TFPT: variants seen among roughly 807,000 people sequenced by gnomAD.
The protein encoded by TFPT is INO80 complex subunit F.
A neutral mutation model predicts 28.8 loss-of-function variants in TFPT; 27 were observed. The observed-to-expected ratio is 0.94, with a 90% CI of 0.69 to 1.29. The LOEUF (loss-of-function observed/expected upper bound fraction) is 1.29, where lower values mean the gene tolerates loss of function less well. Ranked by LOEUF, TFPT falls within the 50% of genes most tolerant of loss-of-function variation. The probability of loss-of-function intolerance (pLI) is 0.00; values close to 1 mark genes in which losing one functional copy is unlikely to be tolerated. For synonymous variants in TFPT, 152 were observed against 142.8 expected (o/e 1.06, Z -0.46); for missense variants, 330 against 338.0 (o/e 0.98, Z 0.19).
At chr19:54,107,792 C>G (rs1298106088) in intron 5 of TFPT, among the ~76,000 whole-genome samples, 2 of 152,180 alleles carry the variant, frequency 1.3e-5, no homozygotes. Flanking sequence ...GCCTTTACCC[C>G]ACTTTTTCCA....
Position 54,115,237 on chromosome 19 carries a change from A to T in TFPT, c.23+10T>A. On this transcript the variant is annotated intron_variant, in intron 1 of 5. Transcript: ENST00000391759. Reference sequence around the variant, plus strand: ...GATTCGCACTTTTTCACAAGGGCTCAGCCACATACCCTTCTCTCTGCTCCA... The same window carrying T: ...GATTCGCACTTTTTCACAAGGGCTCTGCCACATACCCTTCTCTCTGCTCCA... 1 of 1,614,146 alleles carries T rather than the reference A, an allele frequency of 6.2e-7. No individual in the cohort carries two copies. The highest frequency in any genetic ancestry group is 2.2e-5 in the East Asian group (1 of 44,878).
intron 3 of TFPT, 90 bp from the exon 4 acceptor site, chr19:54,108,485 C>A (rs1440192984): frequency 6.2e-7 from 1 of 1,613,696 alleles, no homozygotes; most frequent in Non-Finnish European, 8.5e-7. Context: ...TCCCACTCCA[C>A]TCAACGCCAA....
chr19:54,110,661 C>G (rs897713585), intron 2 of TFPT, among the ~76,000 whole-genome samples: 3 of 151,962 alleles, frequency 2.0e-5, no homozygotes, highest in Non-Finnish European at 4.4e-5. Flanking sequence ...GAGATCACCC[C>G]ACTGCACTCC....
At chr19:54,111,242 C>A (rs1347860625) in intron 2 of TFPT, among the ~76,000 whole-genome samples, 4 of 152,088 alleles carry the variant, frequency 2.6e-5, no homozygotes, top group African/African-American at 9.7e-5. Flanking sequence ...GCTCCTGGGT[C>A]AGAAAGACCT....
rs371509951 is a variant in TFPT at position 54,108,099 on chromosome 19, C to T, written c.569G>A (p.Arg190Gln). Reference protein sequence around the residue: ...SPAPGEGPSGRKRRRVPRDGR... With the variant: ...SPAPGEGPSGQKRRRVPRDGR... The stretch of plus-strand genomic sequence containing the variant: ...ATCCCGTGGCACTCGCCGCCTCTTC[C>T]GCCCACTGGGCCCCTCACCGGGGGC... The change falls in exon 5 of 6, where the codon CGG becomes CAG. Residue 190 changes from arginine to glutamine, a missense_variant. Physicochemically the swap from Arg to Gln is conservative, Grantham distance 43. Transcript: ENST00000391759. 23 of 1,570,410 alleles carry T rather than the reference C, an allele frequency of 1.5e-5. No individual in the cohort carries two copies. Among genetic ancestry groups the T allele is most frequent in the Admixed American group, 9.3e-5 (5 of 53,596 alleles).
chr19:54,107,793 A>G (rs986884528), intron 5 of TFPT, among the ~76,000 whole-genome samples: 1 of 151,056 alleles, frequency 6.6e-6, no homozygotes, highest in South Asian at 2.1e-4. Flanking sequence ...CCTTTACCCC[A>G]CTTTTTCCAA....
rs1310254845 is a variant in TFPT, at chr19:54,114,552, G to C, written c.172C>G (p.Arg58Gly). The change falls in exon 2 of 6, where the codon CGG (arginine) becomes GGG (glycine). Residue 58 changes from arginine to glycine, a missense_variant. By Grantham distance (125) the Arg-to-Gly change is moderately radical (BLOSUM62 -2). Transcript: ENST00000391759. ...GCCTCTTCCTCTTCATCTCGCTCCC[G>C]GAGCCCTGAGCCGCCCAGACCACCT... Reference protein sequence around the residue: ...VSGGLGGSGLRERDEEEEAAR... With the variant: ...VSGGLGGSGLGERDEEEEAAR... 2 of 1,613,934 alleles carry C rather than the reference G, an allele frequency of 1.2e-6. No individual in the cohort carries two copies. The highest frequency in any genetic ancestry group is 1.7e-6 in the Non-Finnish European group (2 of 1,180,030).
intron 2 of TFPT, 111 bp from the exon 3 acceptor site, chr19:54,110,232 C>A (rs587668154): frequency 4.6e-4 from 543 of 1,187,604 alleles, no homozygotes; most frequent in Non-Finnish European, 6.0e-4. Context: ...AAGACCATCC[C>A]GTGGCCTGAG....
intron 5 of TFPT, among the ~76,000 whole-genome samples, chr19:54,107,763 T>C (rs1329943344): frequency 6.6e-6 from 1 of 152,120 alleles, no homozygotes; most frequent in Non-Finnish European, 1.5e-5. Context: ...CTTTCCAACT[T>C]TGCCTCCTTT....
At chr19:54,113,949 T>C (rs1174577168) in intron 2 of TFPT, among the ~76,000 whole-genome samples, 3 of 152,164 alleles carry the variant, frequency 2.0e-5, no homozygotes, top group Admixed American at 2.0e-4. Flanking sequence ...TGCCTCAGCC[T>C]CCCAGTGCTA....
intron 4 of TFPT, 35 bp from the exon 5 acceptor site, chr19:54,108,279 G>T (rs1394023175): frequency 5.1e-6 from 8 of 1,575,368 alleles, no homozygotes; most frequent in Non-Finnish European, 6.9e-6. Flanking sequence ...GTGATGGGTG[G>T]GTCCTGAGCT....
intron 2 of TFPT, 31 bp downstream of exon 2, chr19:54,114,402 GCCAGGGGAC>G: frequency 6.3e-7 from 1 of 1,587,346 alleles, no homozygotes; most frequent in Non-Finnish European, 8.6e-7. Context: ...GGTAGTTTAG[GCCAGGGGAC>G]CCCAAAACCG....
At chr19:54,110,843 C>G (rs1324824073) in intron 2 of TFPT, among the ~76,000 whole-genome samples, 3 of 152,196 alleles carry the variant, frequency 2.0e-5, no homozygotes, top group Admixed American at 6.5e-5. Flanking sequence ...ATTCTGCTGA[C>G]TGACCGCCTC....
chr19:54,107,884 C>G (rs936885279), intron 5 of TFPT, 142 bp downstream of exon 5: 1 of 777,664 alleles, frequency 1.3e-6, no homozygotes, highest in Non-Finnish European at 1.9e-6. Flanking sequence ...CTGGGCCCCT[C>G]GGGGTGCAGA....
In TFPT at chr19:54,107,079, G is replaced by A. The variant is rs1431156512; in HGVS notation, c.733C>T (p.Pro245Ser). Residue 245 changes from proline (P) to serine (S), a missense_variant, in exon 6 of 6, where the codon CCG (proline) becomes TCG (serine). Physicochemically the swap from Pro to Ser is moderately conservative, Grantham distance 74 (BLOSUM62 -1). Coordinates refer to ENST00000391759, the MANE Select transcript of TFPT (RefSeq NM_013342.4). ...TCAGAGGCTGGGCTGGCCAGGGTCG[G>A]GTAGGGCAGCAGTTTGTCTGGACCC... ...SRGPDKLLPYPTLASPASD is the reference protein window; with the variant it reads ...SRGPDKLLPYSTLASPASD The A allele has an allele frequency of 6.2e-7, 1 of 1,613,958 alleles. No homozygotes were observed. The highest frequency in any genetic ancestry group is 2.2e-5 in the East Asian group (1 of 44,874).
intron 3 of TFPT, chr19:54,108,852 G>A (rs2073362252): frequency 2.4e-6 from 1 of 420,552 alleles, no homozygotes; most frequent in South Asian, 2.8e-5. Flanking sequence ...GTTCCTTAAG[G>A]TTCAATTGAT....
Position 54,115,586 on chromosome 19 carries a change from T to C in TFPT, c.-317A>G, listed in dbSNP as rs587772725. 1 of 511,398 alleles carries C rather than the reference T, an allele frequency of 2.0e-6. No homozygotes were observed. Among genetic ancestry groups the C allele is most frequent in the African/African-American group, 1.9e-5 (1 of 52,320 alleles). 31.7% of individuals were successfully genotyped at this position (511,398 alleles called of 1,614,324 possible). ...GCGATTCTCTGCTTAGCAGGATCGG[T>C]CCACAGCGGGACGTGAGTCCCTTTC... On this transcript the variant is annotated 5_prime_UTR_variant, in exon 1 of 6. Transcript: ENST00000391759.
intron 5 of TFPT, 88 bp downstream of exon 5, chr19:54,107,938 G>T (rs1291634960): frequency 7.2e-7 from 1 of 1,380,100 alleles, no homozygotes; most frequent in Non-Finnish European, 9.8e-7. Context: ...CCCAGCCCTG[G>T]CCCCTCCCCT....
In TFPT at chr19:54,107,055, CAG is replaced by C; in HGVS notation, c.755_756del (p.Ser252Ter). ...GTCAGTTTATTGGGCATGCGTCAGT[CAG>C]AGGCTGGGCTGGCCAGGGTCGGGTA... ...LPYPTLASPA[S>X]D On this transcript the variant is annotated frameshift_variant, in exon 6 of 6. Transcript: ENST00000391759. LOFTEE classifies it high-confidence loss of function. The C allele has an allele frequency of 1.9e-6, 3 of 1,613,520 alleles. No individual in the cohort carries two copies. Among genetic ancestry groups the C allele is most frequent in the Non-Finnish European group, 2.5e-6 (3 of 1,179,850 alleles).
Sources: gnomAD v4.1 joint callset for allele counts (sites outside exome capture counted in the v4.1 genomes callset) on GRCh38, gnomAD v4.1.1 for gene constraint, MANE v1.5 for transcripts, NCBI Gene and HGNC (gene_info 2026-07-23, HGNC 2026-07-21) for gene names.